Variants in TOP2A observed in about 807,000 individuals in gnomAD.
The protein encoded by TOP2A is DNA topoisomerase II alpha.
A neutral mutation model predicts 187.2 loss-of-function variants in TOP2A; 68 were observed. That is an observed-to-expected ratio of 0.36 (90% CI 0.30 to 0.44). TOP2A has a LOEUF of 0.44. TOP2A is among the 20% of genes least tolerant of loss of function. TOP2A has a pLI of 1.00. For synonymous variants in TOP2A, 542 were observed against 593.2 expected (o/e 0.91, Z 1.25); for missense variants, 1,196 against 1,808.7 (o/e 0.66, Z 6.14).
At chr17:40,402,342 G>T (rs1405863546) in intron 20 of TOP2A, among the ~76,000 whole-genome samples, 2 of 152,218 alleles carry the variant, frequency 1.3e-5, no homozygotes, top group Non-Finnish European at 1.5e-5. Context: ...TAAAGGTATA[G>T]AACGGATGAA....
In TOP2A at chr17:40,416,940, T is replaced by C. The variant is rs376162805; in HGVS notation, c.22-45A>G. On this transcript the variant is annotated intron_variant, in intron 1 of 34. Transcript: ENST00000423485. ...AGAGAAAGAAGGGAATTTTTAATCA[T>C]AAGTTTACCCTAAACTAGGAACAAA... The C allele has an allele frequency of 3.4e-5, 51 of 1,509,222 alleles. No homozygotes were observed. The African/African-American group carries it at 6.1e-4, about 18-fold the overall frequency. 93.5% of individuals were successfully genotyped at this position (1,509,222 alleles called of 1,614,324 possible).
intron 1 of TOP2A, among the ~76,000 whole-genome samples, chr17:40,417,359 C>T (rs979987034): frequency 1.3e-5 from 2 of 152,152 alleles, no homozygotes; most frequent in African/African-American, 4.8e-5. Context: ...CTTTTGTAAG[C>T]TGGCCAGCTG....
chr17:40,403,280 GTTC>G (rs1389515172), intron 19 of TOP2A, among the ~76,000 whole-genome samples: 1 of 152,124 alleles, frequency 6.6e-6, no homozygotes, highest in African/African-American at 2.4e-5. Context: ...TGAAGGCATA[GTTC>G]TTCTCCTTAT....
chr17:40,400,810 A>G (rs1303052711), intron 21 of TOP2A, 40 bp downstream of exon 21: 1 of 1,597,782 alleles, frequency 6.3e-7, no homozygotes, highest in Non-Finnish European at 8.6e-7. Context: ...ACTGAAACCC[A>G]AGGAAAAGTT....
chr17:40,388,565 G>A lies in TOP2A; in HGVS notation c.*954C>T, dbSNP rs2034986757. On this transcript the variant is annotated 3_prime_UTR_variant, in exon 35 of 35. Transcript: ENST00000423485. ...CATTTTATTAAAGTACAAAATTGTTGGAATTTAGCTAATAGAAAAACATAG... is the reference window on the plus strand; with the variant it reads ...CATTTTATTAAAGTACAAAATTGTTAGAATTTAGCTAATAGAAAAACATAG... 5.6e-6 allele frequency: 1 copy of A among 179,562 alleles called. No individual in the cohort carries two copies. The highest frequency in any genetic ancestry group is 2.4e-5 in the African/African-American group (1 of 42,320). 11.1% of individuals were successfully genotyped at this position (179,562 alleles called of 1,614,324 possible).
chr17:40,398,622 A>G lies in TOP2A; in HGVS notation c.3473T>C (p.Leu1158Ser). The change falls in exon 27 of 35, where the codon TTA (leucine) becomes TCA (serine). Residue 1158 changes from leucine (L) to serine (S), a missense_variant. Physicochemically the swap from Leu to Ser is moderately radical, Grantham distance 145. This residue lies in a region of TOP2A where 22 missense variants were observed against 21.1 expected (regional missense o/e 1.04). Transcript: ENST00000423485. ...RNEKEQELDT[L>S]KRKSPSDLWK... ...CAAATCTGATGGACTCTTTCTTTTTAATGTGTCCAGCTCTTGTTCCTTCAT... is the reference window on the plus strand; with the variant it reads ...CAAATCTGATGGACTCTTTCTTTTTGATGTGTCCAGCTCTTGTTCCTTCAT... 6.3e-7 allele frequency: 1 copy of G among 1,596,376 alleles called. No homozygotes were observed.
rs1426238434 is a variant in TOP2A, at chr17:40,400,847, T to TA, written c.2664+2dup. On this transcript the variant is annotated splice_region_variant and intron_variant, in intron 21 of 34. Transcript: ENST00000423485. ...AGGCTCTTAACACACACAGAATACT[T>TA]ACCATTGGCAAAGGTTCTTCTCCAT... The TA allele has an allele frequency of 6.2e-7, 1 of 1,613,714 alleles. No individual in the cohort carries two copies. The highest frequency in any genetic ancestry group is 1.7e-5 in the Admixed American group (1 of 60,016).
chr17:40,396,581 T>G, intron 27 of TOP2A, 116 bp from the exon 28 acceptor site: 1 of 1,312,610 alleles, frequency 7.6e-7, no homozygotes, highest in Non-Finnish European at 1.0e-6. Context: ...AGTGATAAAT[T>G]GCTCCATAAC....
Position 40,399,097 on chromosome 17 carries a change from C to A in TOP2A, c.3231G>T (p.Leu1077=). The A allele has an allele frequency of 6.3e-7, 1 of 1,575,348 alleles. No individual in the cohort carries two copies. The highest frequency in any genetic ancestry group is 2.3e-5 in the East Asian group (1 of 43,320). The stretch of plus-strand genomic sequence containing the variant: ...GATCCGAATCATATCCCCTCTGAAT[C>A]AGAACTTTAATTAATTCTTTCTTAG... The part of the protein sequence containing the change: ...NKPKKELIKV[L]IQRGYDSDPV... Residue 1077 remains leucine, a synonymous_variant, in exon 25 of 35, where the codon CTG becomes CTT. Coordinates refer to ENST00000423485, the MANE Select transcript of TOP2A (RefSeq NM_001067.4).
Position 40,404,218 on chromosome 17 carries a change from C to A in TOP2A, c.2217G>T (p.Lys739Asn). The A allele has an allele frequency of 6.2e-7, 1 of 1,613,890 alleles. No individual in the cohort carries two copies. The highest frequency in any genetic ancestry group is 8.5e-7 in the Non-Finnish European group (1 of 1,179,838). Reference sequence around the variant, plus strand: ...CTAATTGGGCAACCTTTACTTCTCGCTTGTCATTCCGTTTGAAGCAAGTAA... The same window carrying A: ...CTAATTGGGCAACCTTTACTTCTCGATTGTCATTCCGTTTGAAGCAAGTAA... ...VLFTCFKRND[K>N]REVKVAQLAG... is the part of the protein sequence containing the mutation. Residue 739 changes from lysine to asparagine, a missense_variant, in exon 19 of 35, where the codon AAG (lysine) becomes AAT (asparagine). Physicochemically the swap from Lys to Asn is moderately conservative, Grantham distance 94. Transcript: ENST00000423485.
chr17:40,404,937 C>A, intron 16 of TOP2A, 54 bp from the exon 17 acceptor site: 2 of 1,021,612 alleles, frequency 2.0e-6, no homozygotes, highest in Non-Finnish European at 2.9e-6. Flanking sequence ...TAATAGGTTC[C>A]AAAATATCCT....
At chr17:40,394,762 G>T (rs2035068356) in intron 29 of TOP2A, among the ~76,000 whole-genome samples, 1 of 152,156 alleles carries the variant, frequency 6.6e-6, no homozygotes, top group African/African-American at 2.4e-5. Flanking sequence ...TCATTGAGTG[G>T]ACATTATTTA....
At chr17:40,406,104 T>C (rs2035241260) in intron 16 of TOP2A, among the ~76,000 whole-genome samples, 1 of 152,182 alleles carries the variant, frequency 6.6e-6, no homozygotes, top group South Asian at 2.1e-4. Context: ...TTTCACCATG[T>C]TGGACAGGTT....
chr17:40,391,229 G>GT lies in TOP2A; in HGVS notation c.4267+276dup, dbSNP rs894408286. On this transcript the variant is annotated intron_variant, in intron 33 of 34. Coordinates refer to ENST00000423485, the MANE Select transcript of TOP2A (RefSeq NM_001067.4). ...AGCCACTCTGCCTGGCTTTTGTTTT[G>GT]TTTTTTGACTAGTCAAGTGCAGTAG... is the stretch of plus-strand genomic sequence containing the variant. 2.1e-5 allele frequency: 6 copies of GT among 282,270 alleles called. No homozygotes were observed. In the South Asian group the frequency reaches 3.4e-4, roughly 16 times the overall value. The allele number at this position is 282,270 out of a possible 1,614,324, so 17.5% of individuals were successfully genotyped here.
At chr17:40,410,773 G>A (rs370144332) in intron 10 of TOP2A, 41 of 407,554 alleles carry the variant, frequency 1.0e-4, no homozygotes, top group East Asian at 5.3e-4. Context: ...TGCTTGTATG[G>A]GCAAATCAGT....
intron 14 of TOP2A, 48 bp downstream of exon 14, chr17:40,406,784 G>A: frequency 1.3e-6 from 2 of 1,578,822 alleles, no homozygotes; most frequent in Non-Finnish European, 1.7e-6. Context: ...CCAGGTTTGA[G>A]GAGTAGGGTC....
At chr17:40,391,887 T>C (rs2035025501) in intron 32 of TOP2A, 181 bp downstream of exon 32, 1 of 766,600 alleles carries the variant, frequency 1.3e-6, no homozygotes, top group Non-Finnish European at 2.0e-6. Context: ...TTTAGTATAC[T>C]GAATGCAGTA....
In TOP2A at chr17:40,406,837, C is replaced by A. The variant is rs1385162091; in HGVS notation, c.1732G>T (p.Val578Leu). ...GTACTTAGAAATTAGCGTACCTTTA[C>A]AATGGGAGTGATAAATTCCTCCAGA... is the stretch of plus-strand genomic sequence containing the variant. ...RFLEEFITPIVKVSKNKQEMA... is the reference protein window; with the variant it reads ...RFLEEFITPILKVSKNKQEMA... Residue 578 changes from valine to leucine, a missense_variant, in exon 14 of 35, where the codon GTA becomes TTA. Val to Leu is a conservative substitution (Grantham distance 32, BLOSUM62 1). Around this residue, in one of 10 missense-constraint regions of TOP2A, gnomAD observed 209 missense variants for 376.9 expected, o/e 0.55. Transcript: ENST00000423485. 6.2e-7 allele frequency: 1 copy of A among 1,603,694 alleles called. No homozygotes were observed. The highest frequency in any genetic ancestry group is 1.3e-5 in the African/African-American group (1 of 74,864).
At chr17:40,396,515 C>A (rs1271063048) in intron 27 of TOP2A, 50 bp from the exon 28 acceptor site, 6 of 1,578,012 alleles carry the variant, frequency 3.8e-6, no homozygotes. Context: ...AAAAACATTA[C>A]AATATCTAAA....
Sources: allele counts gnomAD v4.1 joint callset (sites outside exome capture counted in the v4.1 genomes callset), GRCh38; gene constraint gnomAD v4.1.1; regional missense constraint gnomAD v4.1.1; transcripts MANE v1.5; gene names NCBI Gene and HGNC (gene_info 2026-07-23, HGNC 2026-07-21).